Variants in TENM1 observed in about 807,000 individuals in gnomAD.
TENM1 encodes teneurin-1.
Under a neutral mutation model 174.8 loss-of-function variants are expected in TENM1, and 35 were observed. That is an observed-to-expected ratio of 0.20 (90% CI 0.15 to 0.27). The LOEUF is 0.27. Among genes scored for constraint, TENM1 ranks in the 10% least tolerant of loss-of-function variants. The pLI, the probability that TENM1 is intolerant of heterozygous loss-of-function variation, is 1.00. For missense variants in TENM1, 1,633 were observed against 2,130.1 expected, an observed-to-expected ratio of 0.77 and a Z score of 4.59; for synonymous variants, 781 against 798.7, an observed-to-expected ratio of 0.98 and a Z score of 0.37.
the TENM1 span, among the ~76,000 whole-genome samples, chrX:125,145,513 T>C: frequency 8.0e-5 from 9 of 112,619 alleles, no homozygotes; most frequent in Admixed American, 6.6e-4. Flanking sequence ...TTTGCAAAGT[T>C]TGCAAAATGT....
At chrX:124,717,207 G>A (rs1196217414) in intron 4 of TENM1, among the ~76,000 whole-genome samples, 1 of 111,105 alleles carries the variant, frequency 9.0e-6, no homozygotes, top group African/African-American at 3.3e-5. Flanking sequence ...TCATTCCATG[G>A]AATATTATGC....
intron 3 of TENM1, among the ~76,000 whole-genome samples, chrX:124,883,292 G>A (rs184436311): frequency 6.7e-4 from 75 of 111,956 alleles, no homozygotes; most frequent in African/African-American, 1.9e-3. Flanking sequence ...GTGCCGTGCC[G>A]TAGTGTCATC....
At chrX:125,092,421 GAACT>G in the TENM1 span, among the ~76,000 whole-genome samples, 2 of 111,571 alleles carry the variant, frequency 1.8e-5, no homozygotes, top group Admixed American at 1.9e-4. Context: ...AGAAGTTGTA[GAACT>G]AATTTAACAT....
intron 11 of TENM1, among the ~76,000 whole-genome samples, chrX:124,615,172 C>T (rs958304175): frequency 3.6e-5 from 4 of 112,262 alleles, no homozygotes; most frequent in East Asian, 5.5e-4. Flanking sequence ...GAATGACAGG[C>T]AAAGTAGCTA....
chrX:124,619,809 G>A (rs1030319747), intron 11 of TENM1, among the ~76,000 whole-genome samples: 1 of 111,840 alleles, frequency 8.9e-6, no homozygotes. Flanking sequence ...CTATCAATAT[G>A]AGTTTGAACA....
chrX:125,198,323 TTTATA>T, the TENM1 span, among the ~76,000 whole-genome samples: 3 of 111,895 alleles, frequency 2.7e-5, no homozygotes, highest in Middle Eastern at 4.7e-3. Context: ...TCAAGCATCA[TTTATA>T]TTATGTTTTC....
chrX:124,774,314 G>A (rs910139562), intron 3 of TENM1, among the ~76,000 whole-genome samples: 3 of 111,778 alleles, frequency 2.7e-5, no homozygotes, highest in African/African-American at 9.7e-5. Flanking sequence ...TCATGAACTT[G>A]AATGTGTATC....
the TENM1 span, among the ~76,000 whole-genome samples, chrX:125,132,769 A>G: frequency 3.6e-5 from 4 of 111,874 alleles, no homozygotes; most frequent in African/African-American, 1.3e-4. Flanking sequence ...AATTAGGGGA[A>G]GCCAGAATAC....
chrX:124,969,544 C>T, the TENM1 span, among the ~76,000 whole-genome samples: 1 of 112,395 alleles, frequency 8.9e-6, no homozygotes, highest in East Asian at 2.8e-4. Context: ...TATCAGGTAC[C>T]AGGTGCTATA....
At chrX:125,041,332 G>A in the TENM1 span, among the ~76,000 whole-genome samples, 1 of 110,871 alleles carries the variant, frequency 9.0e-6, no homozygotes. Flanking sequence ...TCAGAATATT[G>A]AACTTCTGGT....
At chrX:124,998,790 A>G in the TENM1 span, among the ~76,000 whole-genome samples, 1 of 111,547 alleles carries the variant, frequency 9.0e-6, no homozygotes, top group East Asian at 2.8e-4. Context: ...TTTACTGTTA[A>G]CAGTATAGAC....
At chrX:125,135,071 T>G in the TENM1 span, among the ~76,000 whole-genome samples, 2 of 111,874 alleles carry the variant, frequency 1.8e-5, no homozygotes, top group African/African-American at 6.5e-5. Flanking sequence ...CAATCTCCTT[T>G]ATCTGAATTC....
chrX:124,841,035 A>G (rs927933502), intron 3 of TENM1, among the ~76,000 whole-genome samples: 3 of 111,902 alleles, frequency 2.7e-5, no homozygotes, highest in African/African-American at 9.7e-5. Flanking sequence ...ATAGGCACAT[A>G]GTTGCCATGG....
chrX:125,177,918 AT>A, the TENM1 span, among the ~76,000 whole-genome samples: 1 of 111,559 alleles, frequency 9.0e-6, no homozygotes, highest in African/African-American at 3.3e-5. Context: ...TTTCTTCCAT[AT>A]TTTTTTCTGG....
intron 25 of TENM1, among the ~76,000 whole-genome samples, 192 bp downstream of exon 28, chrX:124,420,119 A>G (rs1176503888): frequency 8.9e-6 from 1 of 111,809 alleles, no homozygotes; most frequent in Non-Finnish European, 1.9e-5. Flanking sequence ...ATGCTCTGCA[A>G]ACTGCTCTGG....
At chrX:124,900,460 G>A (rs1211681016) in intron 1 of TENM1, among the ~76,000 whole-genome samples, 1 of 111,973 alleles carries the variant, frequency 8.9e-6, no homozygotes, top group Non-Finnish European at 1.9e-5. Context: ...TACCTTGATT[G>A]TGGTGATAGT....
chrX:124,433,321 G>A (rs971465848), intron 23 of TENM1, among the ~76,000 whole-genome samples: 2 of 111,943 alleles, frequency 1.8e-5, no homozygotes, highest in African/African-American at 3.2e-5. Context: ...AATAAATTAA[G>A]TCTGAAAGAG....
chrX:124,988,116 G>C, the TENM1 span, among the ~76,000 whole-genome samples: 2 of 111,495 alleles, frequency 1.8e-5, no homozygotes, highest in African/African-American at 6.5e-5. Context: ...TTATAGAGGG[G>C]AGAGAGAAAT....
chrX:124,772,582 A>AT (rs1339426920), intron 3 of TENM1, among the ~76,000 whole-genome samples: 6 of 112,209 alleles, frequency 5.3e-5, no homozygotes, highest in Middle Eastern at 4.6e-3. Flanking sequence ...AAGTGTAAAC[A>AT]TTTTTTAAAA....
Sources: gnomAD v4.1 joint callset for allele counts (sites outside exome capture counted in the v4.1 genomes callset) on GRCh38, gnomAD v4.1.1 for gene constraint, MANE v1.5 for transcripts, NCBI Gene and HGNC (gene_info 2026-07-23, HGNC 2026-07-21) for gene names.